PRAMEF15: variants seen among roughly 807,000 people sequenced by gnomAD.
PRAMEF15 encodes PRAME family member 9/15.
PRAMEF15 carries 21 observed loss-of-function variants against 35.3 expected under a neutral mutation model. The observed-to-expected ratio is 0.59, with a 90% CI of 0.42 to 0.86. The LOEUF is 0.86. PRAMEF15 is among the 40% of genes least tolerant of loss of function. The pLI is 0.00. For synonymous variants in PRAMEF15, 122 were observed against 223.3 expected (o/e 0.55, Z 4.05); for missense variants, 360 against 574.1 (o/e 0.63, Z 3.81).
chr1:13,320,080 C>T, intron 3 of PRAMEF15, 127 bp downstream of exon 3: 6 of 1,571,890 alleles, frequency 3.8e-6, no homozygotes, highest in Non-Finnish European at 5.2e-6. Context: ...AATGTCCATG[C>T]ATTGTCCTGT....
At chr1:13,316,588 G>A (rs1220228847) in intron 1 of PRAMEF15, among the ~76,000 whole-genome samples, 4 of 151,928 alleles carry the variant, frequency 2.6e-5, no homozygotes, top group African/African-American at 4.8e-5. Context: ...CTTGGAGGCC[G>A]AGGTAACAGT....
chr1:13,317,426 G>A (rs1376375557), intron 1 of PRAMEF15, among the ~76,000 whole-genome samples: 9 of 151,986 alleles, frequency 5.9e-5, no homozygotes, highest in Non-Finnish European at 1.2e-4. Context: ...TCTATCTTGC[G>A]AATGATGCAT....
chr1:13,317,518 A>G (rs1288964265), intron 1 of PRAMEF15, among the ~76,000 whole-genome samples: 7 of 152,016 alleles, frequency 4.6e-5, no homozygotes, highest in Admixed American at 1.3e-4. Context: ...CTATAATCCC[A>G]GTATGTTGGG....
intron 3 of PRAMEF15, 77 bp from the exon 4 acceptor site, chr1:13,321,626 A>C: frequency 2.1e-6 from 3 of 1,428,172 alleles, no homozygotes; most frequent in Non-Finnish European, 2.9e-6. Context: ...TCCATCCATT[A>C]CCTTGAAGCC....
chr1:13,321,771 A>G lies in PRAMEF15; in HGVS notation c.944A>G (p.His315Arg). 1.9e-6 allele frequency: 3 copies of G among 1,609,366 alleles called. No homozygotes were observed. The highest frequency in any genetic ancestry group is 2.5e-6 in the Non-Finnish European group (3 of 1,177,938). Residue 315 changes from histidine (H) to arginine (R), a missense_variant, in exon 4 of 4, where the codon CAT (histidine) becomes CGT (arginine). Physicochemically the swap from His to Arg is conservative, Grantham distance 29. Coordinates refer to ENST00000376152, the MANE Select transcript of PRAMEF15 (RefSeq NM_001098376.3). ...GTGCTTTTGGAATCAGACTTGAAGC[A>G]TCTATCCCAGTGCCCGAGTATCAGT... Reference protein sequence around the residue: ...NCVLLESDLKHLSQCPSISQL... With the variant: ...NCVLLESDLKRLSQCPSISQL...
chr1:13,321,686 T>C lies in PRAMEF15; in HGVS notation c.876-17T>C. The C allele has an allele frequency of 6.2e-7, 1 of 1,607,484 alleles. No homozygotes were observed. Among genetic ancestry groups the C allele is most frequent in the Non-Finnish European group, 8.5e-7 (1 of 1,177,288 alleles). On this transcript the variant is annotated splice_polypyrimidine_tract_variant and intron_variant, in intron 3 of 3. Transcript: ENST00000376152. The stretch of plus-strand genomic sequence containing the variant: ...CCTATGATTCCCCAGAATTAACTTC[T>C]TGCTCTCTCTCCCCAGCTGTCTGAA...
chr1:13,317,222 A>T (rs1241662078), intron 1 of PRAMEF15, among the ~76,000 whole-genome samples: 1 of 151,572 alleles, frequency 6.6e-6, no homozygotes, highest in Non-Finnish European at 1.5e-5. Flanking sequence ...GGCGCAGACC[A>T]CTGCACCTGG....
chr1:13,321,787 G>A lies in PRAMEF15; in HGVS notation c.960G>A (p.Pro320=), dbSNP rs1435067278. ...ESDLKHLSQC[P]SISQLKTLDL... ...ACTTGAAGCATCTATCCCAGTGCCC[G>A]AGTATCAGTCAACTAAAGACCCTGG... The change falls in exon 4 of 4, where the codon CCG becomes CCA. Residue 320 remains proline, a synonymous_variant. Transcript: ENST00000376152. 1.4e-5 allele frequency: 23 copies of A among 1,608,514 alleles called. 1 individual carries two copies. The highest frequency in any genetic ancestry group is 3.3e-5 in the Admixed American group (2 of 59,766).
At chr1:13,320,172 G>C (rs1640064118) in intron 3 of PRAMEF15, among the ~76,000 whole-genome samples, 2 of 152,082 alleles carry the variant, frequency 1.3e-5, no homozygotes, top group African/African-American at 4.8e-5. Flanking sequence ...GCTATGGAGA[G>C]GCTGCCATGC....
intron 1 of PRAMEF15, among the ~76,000 whole-genome samples, chr1:13,317,219 A>G (rs1640016421): frequency 6.6e-6 from 1 of 151,544 alleles, no homozygotes; most frequent in East Asian, 1.9e-4. Context: ...ACAGGCGCAG[A>G]CCACTGCACC....
In PRAMEF15 at chr1:13,318,504, C is replaced by A; in HGVS notation, c.97C>A (p.Leu33Met). The A allele has an allele frequency of 1.2e-6, 2 of 1,614,136 alleles. No homozygotes were observed. Among genetic ancestry groups the A allele is most frequent in the Non-Finnish European group, 1.7e-6 (2 of 1,180,028 alleles). ...QALAMSTLEE[L>M]PTELFPPLFM... Reference sequence around the variant, plus strand: ...TTTGGCCATGTCCACCCTGGAGGAGCTGCCCACAGAACTTTTCCCCCCACT... The same window carrying A: ...TTTGGCCATGTCCACCCTGGAGGAGATGCCCACAGAACTTTTCCCCCCACT... Residue 33 changes from leucine (L) to methionine (M), a missense_variant, in exon 2 of 4, where the codon CTG becomes ATG. Transcript: ENST00000376152.
intron 3 of PRAMEF15, among the ~76,000 whole-genome samples, chr1:13,320,384 C>T (rs1218369638): frequency 6.6e-6 from 1 of 151,940 alleles, no homozygotes; most frequent in East Asian, 1.9e-4. Flanking sequence ...CATACCAAGA[C>T]CCCTGTCAGA....
rs1371943671 is a variant in PRAMEF15, at chr1:13,317,824, G to A, written c.-16-568G>A. ...GAAAGAGAGAGAGAATGAGAGAAGG[G>A]AGGCAGGGAAAGAAGACAAGAAAGA... On this transcript the variant is annotated intron_variant, in intron 1 of 3. Transcript: ENST00000376152. Among the ~76,000 whole-genome samples, 164 of 149,914 alleles carry A rather than the reference G, an allele frequency of 1.1e-3. 2 individuals carry two copies. The Middle Eastern group carries it at 0.021, about 19-fold the overall frequency.
At position 13,319,391 on chromosome 1, in the gene PRAMEF15, C is replaced by CTT; in HGVS notation, c.314_315insTT (p.Asp106TrpfsTer39). On this transcript the variant is annotated frameshift_variant, in exon 3 of 4. Transcript: ENST00000376152. LOFTEE classifies it high-confidence loss of function. ...CCACAGGAGGTGGAAACTCCAAGTG[C>CTT]TGGATTTACAGGATGTCTGTGAGAA... is the stretch of plus-strand genomic sequence containing the variant. 1 of 1,611,432 alleles carries CTT rather than the reference C, an allele frequency of 6.2e-7. No homozygotes were observed. Among genetic ancestry groups the CTT allele is most frequent in the Non-Finnish European group, 8.5e-7 (1 of 1,179,820 alleles).
rs1387136604 is a variant in PRAMEF15 at position 13,316,683 on chromosome 1, A to C, written c.-17+1025A>C. ...AGCACCAAAAAAAATTATATGACCCAGGTGATCATGGGTTACATGAAGATT... is the reference window on the plus strand; with the variant it reads ...AGCACCAAAAAAAATTATATGACCCCGGTGATCATGGGTTACATGAAGATT... On this transcript the variant is annotated intron_variant, in intron 1 of 3. Coordinates refer to ENST00000376152, the MANE Select transcript of PRAMEF15 (RefSeq NM_001098376.3). Among the ~76,000 whole-genome samples, 7 of 151,896 alleles carry C rather than the reference A, an allele frequency of 4.6e-5. No individual in the cohort carries two copies. The East Asian group carries it at 9.8e-4, about 21-fold the overall frequency.
intron 3 of PRAMEF15, among the ~76,000 whole-genome samples, chr1:13,321,009 A>T (rs1640076657): frequency 6.6e-6 from 1 of 152,010 alleles, no homozygotes; most frequent in Non-Finnish European, 1.5e-5. Context: ...CATGTCAGGG[A>T]TGCCTACAGC....
chr1:13,317,148 C>A (rs1157836427), intron 1 of PRAMEF15, among the ~76,000 whole-genome samples: 6 of 151,630 alleles, frequency 4.0e-5, no homozygotes, highest in African/African-American at 1.2e-4. Context: ...CAGCTCACTG[C>A]AACTTCTGCC....
At chr1:13,320,904 T>G (rs1640075118) in intron 3 of PRAMEF15, among the ~76,000 whole-genome samples, 1 of 152,036 alleles carries the variant, frequency 6.6e-6, no homozygotes, top group Non-Finnish European at 1.5e-5. Context: ...TCCAGGTAAA[T>G]TAATTATCTA....
At chr1:13,315,879 G>C (rs1317969348) in intron 1 of PRAMEF15, among the ~76,000 whole-genome samples, 132 of 150,646 alleles carry the variant, frequency 8.8e-4, no homozygotes, top group Non-Finnish European at 1.3e-3. Flanking sequence ...TAAAATTCTT[G>C]AAGGGAGCAG....
Sources: allele counts gnomAD v4.1 joint callset (sites outside exome capture counted in the v4.1 genomes callset), GRCh38; gene constraint gnomAD v4.1.1; transcripts MANE v1.5; gene names NCBI Gene and HGNC (gene_info 2026-07-23, HGNC 2026-07-21).